HMCN1: variants seen among roughly 807,000 people sequenced by gnomAD.
HMCN1 encodes the protein hemicentin-1.
HMCN1 carries 321 observed loss-of-function variants against 625.9 expected under a neutral mutation model. That is an observed-to-expected ratio of 0.51 (90% CI 0.47 to 0.56). The LOEUF (loss-of-function observed/expected upper bound fraction) is 0.56. Ranked by LOEUF, HMCN1 falls within the 20% of genes least tolerant of loss-of-function variation. HMCN1 has a pLI of 0.00. For synonymous variants in HMCN1, 2,425 were observed against 2,417.6 expected (o/e 1.00, Z -0.09); for missense variants, 6,588 against 6,887.3 (o/e 0.96, Z 1.54).
Position 186,000,587 on chromosome 1 carries a change from G to A in HMCN1, c.4069+348G>A, listed in dbSNP as rs879259172. Among the ~76,000 whole-genome samples the A allele has an allele frequency of 2.3e-3, 343 of 150,492 alleles. 2 individuals are homozygous for A. Among genetic ancestry groups the A allele is most frequent in the Non-Finnish European group, 4.0e-3 (271 of 67,608 alleles). ...TGTGTGTGTGTGTGTGTGTGTGTGT[G>A]TGTGTATGTATGTGTCTTCCCGGAG... On this transcript the variant is annotated intron_variant, in intron 26 of 106. Coordinates refer to ENST00000271588, the MANE Select transcript of HMCN1 (RefSeq NM_031935.3).
rs34137386 is a variant in HMCN1 at position 185,865,715 on chromosome 1, GTTTC to G, written c.499-22_499-19del. ...TTTATTTCTGGAAACCCTTTACACT[GTTTC>G]TTTTTTTTTTTTTAATCATAGGTCG... On this transcript the variant is annotated intron_variant, in intron 3 of 106. Coordinates refer to ENST00000271588, the MANE Select transcript of HMCN1 (RefSeq NM_031935.3). 0.18 allele frequency: 275,717 copies of G among 1,528,062 alleles called. 30,541 individuals are homozygous for G. The highest frequency in any genetic ancestry group is 0.19 in the Non-Finnish European group (211,626 of 1,116,844). 94.7% of individuals were successfully genotyped at this position (1,528,062 alleles called of 1,614,324 possible).
At chr1:186,189,467 T>C in intron 106 of HMCN1, 45 bp from the exon 107 acceptor site, 3 of 1,607,226 alleles carry the variant, frequency 1.9e-6, no homozygotes, top group Non-Finnish European at 8.5e-7. Context: ...TGCCTCCTCC[T>C]ACTTCCAGAT....
intron 63 of HMCN1, among the ~76,000 whole-genome samples, chr1:186,088,994 T>C (rs910880303): frequency 6.6e-6 from 1 of 152,034 alleles, no homozygotes; most frequent in African/African-American, 2.4e-5. Context: ...CAATTTTCCA[T>C]TTCCACTTCC....
intron 9 of HMCN1, among the ~76,000 whole-genome samples, chr1:185,927,733 T>G (rs1054785963): frequency 6.6e-6 from 1 of 152,168 alleles, no homozygotes; most frequent in East Asian, 1.9e-4. Context: ...ATATCTTGAT[T>G]TTTTTAAGGT....
intron 89 of HMCN1, among the ~76,000 whole-genome samples, chr1:186,141,656 C>A (rs1649970517): frequency 6.6e-6 from 1 of 152,196 alleles, no homozygotes; most frequent in South Asian, 2.1e-4. Flanking sequence ...GCCATCATAG[C>A]TCCTAGCTTA....
intron 36 of HMCN1, among the ~76,000 whole-genome samples, chr1:186,029,655 T>C (rs1249908513): frequency 6.6e-6 from 1 of 151,958 alleles, no homozygotes; most frequent in Non-Finnish European, 1.5e-5. Flanking sequence ...TTTTTCATTT[T>C]GTTGATCTTT....
intron 72 of HMCN1, among the ~76,000 whole-genome samples, chr1:186,113,594 T>C (rs1214203948): frequency 6.6e-6 from 1 of 152,232 alleles, no homozygotes; most frequent in Non-Finnish European, 1.5e-5. Context: ...ACAGCCCACT[T>C]TCTGTTCTTC....
At chr1:186,063,276 C>G (rs1657871994) in intron 48 of HMCN1, among the ~76,000 whole-genome samples, 1 of 151,008 alleles carries the variant, frequency 6.6e-6, no homozygotes, top group Non-Finnish European at 1.5e-5. Context: ...AGGAAAAGTT[C>G]AGCTACTATA....
At chr1:185,821,051 A>G (rs112948698) in intron 1 of HMCN1, among the ~76,000 whole-genome samples, 2 of 151,716 alleles carry the variant, frequency 1.3e-5, no homozygotes, top group South Asian at 4.1e-4. Flanking sequence ...TAATATATAT[A>G]TATCTATATA....
At chr1:185,764,369 T>G (rs1655723432) in intron 1 of HMCN1, among the ~76,000 whole-genome samples, 1 of 152,212 alleles carries the variant, frequency 6.6e-6, no homozygotes, top group African/African-American at 2.4e-5. Context: ...TAGTGGTTAA[T>G]ATTTCAAGTG....
chr1:185,997,065 CT>C (rs1652842464), intron 24 of HMCN1, among the ~76,000 whole-genome samples: 1 of 151,920 alleles, frequency 6.6e-6, no homozygotes, highest in Non-Finnish European at 1.5e-5. Context: ...AAGCAATGGT[CT>C]TAAGCATAGA....
At chr1:186,091,058 C>CT (rs928584305) in intron 64 of HMCN1, 141 bp downstream of exon 64, 20 of 928,446 alleles carry the variant, frequency 2.2e-5, no homozygotes, top group African/African-American at 6.7e-5. Flanking sequence ...AAACAAAAAA[C>CT]TTTTTTTTGA....
intron 1 of HMCN1, among the ~76,000 whole-genome samples, chr1:185,819,399 A>G (rs1660049098): frequency 6.6e-6 from 1 of 152,006 alleles, no homozygotes. Context: ...AGTATTTGCT[A>G]CTCTTTTCCC....
intron 4 of HMCN1, among the ~76,000 whole-genome samples, chr1:185,886,286 T>C (rs1197324300): frequency 6.6e-6 from 1 of 151,630 alleles, no homozygotes; most frequent in Non-Finnish European, 1.5e-5. Context: ...AAAAGCCCAA[T>C]TGTGTACATG....
In HMCN1 at chr1:186,023,059, T is replaced by C. The variant is rs558140225; in HGVS notation, c.5655T>C (p.Ile1885=). 9.7e-5 allele frequency: 156 copies of C among 1,613,518 alleles called. 1 individual carries two copies. In the South Asian group the frequency reaches 1.7e-3, roughly 17 times the overall value. The change falls in exon 36 of 107, where the codon ATT becomes ATC. Residue 1885 remains isoleucine, a synonymous_variant. Coordinates refer to ENST00000271588, the MANE Select transcript of HMCN1 (RefSeq NM_031935.3). The stretch of plus-strand genomic sequence containing the variant: ...AGTCTTCTGGTCGAGTTCTACAAAT[T>C]GCCAAAACCCTGTTGGAAGATGCTG... ...KIQSSGRVLQ[I]AKTLLEDAGR...
chr1:185,891,525 G>A (rs1665084417), intron 4 of HMCN1, among the ~76,000 whole-genome samples: 1 of 147,652 alleles, frequency 6.8e-6, no homozygotes, highest in East Asian at 1.9e-4. Context: ...AAATCTCTCA[G>A]CATTTGCTTG....
At chr1:186,127,463 C>A (rs1661704228) in intron 82 of HMCN1, among the ~76,000 whole-genome samples, 1 of 152,008 alleles carries the variant, frequency 6.6e-6, no homozygotes, top group East Asian at 1.9e-4. Flanking sequence ...TGAGGAGAAG[C>A]CCCAAAAAAG....
rs1661874972 is a variant in HMCN1 at position 186,130,524 on chromosome 1, G to A, written c.13057G>A (p.Gly4353Ser). Residue 4353 changes from glycine (G) to serine (S), a missense_variant, in exon 85 of 107, where the codon GGT (glycine) becomes AGT (serine). Physicochemically the swap from Gly to Ser is moderately conservative, Grantham distance 56. Transcript: ENST00000271588. ...TTTTCCAGAACCTCCAGTCTTCAAA[G>A]GTGATTATCCTTCTAACTGGATTGA... ...VYVKEPPVFK[G>S]DYPSNWIEPL... 1 of 1,613,358 alleles carries A rather than the reference G, an allele frequency of 6.2e-7. No individual in the cohort carries two copies. The highest frequency in any genetic ancestry group is 1.7e-4 in the Middle Eastern group (1 of 6,052).
chr1:185,788,094 T>C (rs1485313530), intron 1 of HMCN1, among the ~76,000 whole-genome samples: 2 of 152,222 alleles, frequency 1.3e-5, no homozygotes, highest in Non-Finnish European at 2.9e-5. Context: ...TTACATTTAT[T>C]TTAGGCTAAT....
Sources: gnomAD v4.1 joint callset for allele counts (sites outside exome capture counted in the v4.1 genomes callset) on GRCh38, gnomAD v4.1.1 for gene constraint, MANE v1.5 for transcripts, NCBI Gene and HGNC (gene_info 2026-07-23, HGNC 2026-07-21) for gene names.